DLG2: variants seen among roughly 807,000 people sequenced by gnomAD.
DLG2 encodes disks large homolog 2.
In DLG2, 45 loss-of-function variants were observed where a neutral mutation model predicts 132.5. That is an observed-to-expected ratio of 0.34 (90% confidence interval 0.27 to 0.44). DLG2 has a LOEUF of 0.44. DLG2 is among the 20% of genes least tolerant of loss of function. The probability of loss-of-function intolerance (pLI) is 1.00; values close to 1 mark genes in which losing one functional copy is unlikely to be tolerated. For missense variants in DLG2, 1,045 were observed against 1,196.9 expected (o/e 0.87, Z 1.87); for synonymous variants, 424 against 419.6 (o/e 1.01, Z -0.13).
chr11:83,787,798 T>C (rs1480333949), intron 17 of DLG2, among the ~76,000 whole-genome samples: 1 of 152,112 alleles, frequency 6.6e-6, no homozygotes, highest in Non-Finnish European at 1.5e-5. Context: ...TCTGCCAGGG[T>C]GAAAGGCATT....
chr11:85,242,684 T>C (rs2152680171), intron 4 of DLG2, among the ~76,000 whole-genome samples: 1 of 151,926 alleles, frequency 6.6e-6, no homozygotes, highest in Non-Finnish European at 1.5e-5. Context: ...ATATTTATTA[T>C]ACCAAATAAT....
chr11:83,638,613 C>G, intron 18 of DLG2, among the ~76,000 whole-genome samples: 1 of 152,080 alleles, frequency 6.6e-6, no homozygotes, highest in African/African-American at 2.4e-5. Context: ...GCTCCTAGAG[C>G]CCCCTGTTAC....
At chr11:84,731,492 G>A (rs146616237) in intron 6 of DLG2, among the ~76,000 whole-genome samples, 77 of 152,008 alleles carry the variant, frequency 5.1e-4, no homozygotes, top group African/African-American at 1.8e-3. Context: ...TGATAAGTGA[G>A]TTGAGATAAG....
At chr11:84,099,110 C>T in intron 9 of DLG2, 63 bp from the exon 10 acceptor site, 2 of 1,456,920 alleles carry the variant, frequency 1.4e-6, no homozygotes, top group South Asian at 1.1e-5. Context: ...GTTCCTCTTG[C>T]ACTCTGCATT....
At chr11:84,246,676 G>A (rs1435268592) in intron 8 of DLG2, among the ~76,000 whole-genome samples, 1 of 152,172 alleles carries the variant, frequency 6.6e-6, no homozygotes, top group Non-Finnish European at 1.5e-5. Context: ...ACCCCAAACT[G>A]CAAAAGTTAT....
At chr11:83,644,608 A>G (rs1361071523) in intron 18 of DLG2, among the ~76,000 whole-genome samples, 1 of 152,102 alleles carries the variant, frequency 6.6e-6, no homozygotes, top group African/African-American at 2.4e-5. Flanking sequence ...GAAAAATCAC[A>G]TAATGGGAAC....
rs531537405 is a variant in DLG2, at chr11:84,729,437, G to A, written c.358-194706C>T. Among the ~76,000 whole-genome samples the A allele has an allele frequency of 5.8e-4, 88 of 152,204 alleles. 3 individuals carry two copies. The highest frequency in any genetic ancestry group is 1.9e-3 in the African/African-American group (78 of 41,518). On this transcript the variant is annotated intron_variant, in intron 6 of 27. Coordinates refer to ENST00000376104, the MANE Select transcript of DLG2 (RefSeq NM_001142699.3). ...TTCTAATTTGATTGCACTGTGGTCC[G>A]AGAGACTGTTTGTTATGATTTCCGT...
chr11:83,833,290 T>C (rs1008241313), intron 17 of DLG2, among the ~76,000 whole-genome samples: 6 of 151,972 alleles, frequency 3.9e-5, no homozygotes, highest in African/African-American at 1.2e-4. Context: ...ATACAAAAAT[T>C]AGTCGGATGT....
chr11:85,103,914 T>C (rs1005293390), intron 6 of DLG2, among the ~76,000 whole-genome samples: 3 of 151,794 alleles, frequency 2.0e-5, no homozygotes, highest in Admixed American at 6.6e-5. Context: ...AGGATCTTAA[T>C]AGACATTTTA....
At chr11:84,340,952 A>G (rs1037152143) in intron 7 of DLG2, among the ~76,000 whole-genome samples, 1 of 152,200 alleles carries the variant, frequency 6.6e-6, no homozygotes, top group Admixed American at 6.5e-5. Flanking sequence ...GTGGAAGAAC[A>G]GTACATTCTA....
At chr11:85,035,956 T>C (rs1358281121) in intron 6 of DLG2, among the ~76,000 whole-genome samples, 2 of 152,226 alleles carry the variant, frequency 1.3e-5, no homozygotes, top group East Asian at 3.8e-4. Context: ...TTCAGCTTTT[T>C]CTTGCTTTTG....
chr11:85,375,009 A>G (rs1453338447), intron 3 of DLG2, among the ~76,000 whole-genome samples: 1 of 152,106 alleles, frequency 6.6e-6, no homozygotes, highest in Non-Finnish European at 1.5e-5. Flanking sequence ...AGTACCAGTT[A>G]GCAAATATAA....
chr11:83,973,816 C>T (rs1234762519), intron 12 of DLG2, among the ~76,000 whole-genome samples: 5 of 152,042 alleles, frequency 3.3e-5, no homozygotes, highest in African/African-American at 1.2e-4. Flanking sequence ...TCTTGAGATT[C>T]AAATGTGTAA....
At chr11:85,603,700 G>A (rs2080321504) in intron 2 of DLG2, among the ~76,000 whole-genome samples, 2 of 151,994 alleles carry the variant, frequency 1.3e-5, no homozygotes, top group Non-Finnish European at 2.9e-5. Flanking sequence ...AGGATGGCTT[G>A]AGACCGGGAG....
At chr11:84,635,794 C>A (rs1236351277) in intron 6 of DLG2, among the ~76,000 whole-genome samples, 1 of 152,102 alleles carries the variant, frequency 6.6e-6, no homozygotes, top group Non-Finnish European at 1.5e-5. Context: ...CCACCAAGAT[C>A]ACATACTAAG....
chr11:85,234,255 G>A (rs1262305490), intron 4 of DLG2, among the ~76,000 whole-genome samples: 2 of 151,844 alleles, frequency 1.3e-5, no homozygotes, highest in African/African-American at 4.8e-5. Flanking sequence ...GAGTATATAT[G>A]GATAATAACA....
intron 6 of DLG2, among the ~76,000 whole-genome samples, chr11:84,646,413 A>G (rs2099675055): frequency 6.6e-6 from 1 of 152,184 alleles, no homozygotes; most frequent in African/African-American, 2.4e-5. Flanking sequence ...GTATGAGGGT[A>G]AACAGAAGAA....
chr11:84,355,587 T>C (rs1194438522), intron 7 of DLG2, among the ~76,000 whole-genome samples: 2 of 152,114 alleles, frequency 1.3e-5, no homozygotes, highest in Admixed American at 6.6e-5. Context: ...TTTGTTGTTA[T>C]AAGCTTCTTA....
intron 7 of DLG2, among the ~76,000 whole-genome samples, chr11:84,266,429 T>C (rs2097635771): frequency 6.6e-6 from 1 of 152,218 alleles, no homozygotes; most frequent in Non-Finnish European, 1.5e-5. Context: ...ATAGATTAAG[T>C]GTCATCTTTA....
Sources: gnomAD v4.1 joint callset for allele counts (sites outside exome capture counted in the v4.1 genomes callset) on GRCh38, gnomAD v4.1.1 for gene constraint, MANE v1.5 for transcripts, NCBI Gene and HGNC (gene_info 2026-07-23, HGNC 2026-07-21) for gene names.